The following MAP4K3 variants were observed in gnomAD, a reference collection of about 807,000 sequenced individuals.
The protein encoded by MAP4K3 is mitogen-activated protein kinase kinase kinase kinase 3, also known as MAPK/ERK kinase kinase kinase 3.
In MAP4K3, 94 loss-of-function variants were observed where a neutral mutation model predicts 143.5. The ratio of observed to expected loss-of-function variants is 0.65; its 90% confidence interval spans 0.55 to 0.78. The LOEUF is 0.78. MAP4K3 is among the 30% of genes least tolerant of loss of function. The pLI is 0.00. For synonymous variants in MAP4K3, 416 were observed against 347.2 expected, an observed-to-expected ratio of 1.20 and a Z score of -2.20; for missense variants, 1,077 against 1,068.1, an observed-to-expected ratio of 1.01 and a Z score of -0.12.
At chr2:39,309,111 A>AT (rs906905180) in intron 14 of MAP4K3, among the ~76,000 whole-genome samples, 3 of 149,994 alleles carry the variant, frequency 2.0e-5, no homozygotes, top group African/African-American at 7.3e-5. Flanking sequence ...GTTTCCCACG[A>AT]TTTTAAAAAA....
At chr2:39,309,575 T>TTTTTTA in intron 13 of MAP4K3, 56 bp from the exon 14 acceptor site, 1 of 1,009,300 alleles carries the variant, frequency 9.9e-7, no homozygotes, top group Non-Finnish European at 1.4e-6. Flanking sequence ...TTTTTTTTTT[T>TTTTTTA]GAGGCAGAGT....
chr2:39,306,574 C>T (rs1453069696), intron 15 of MAP4K3, among the ~76,000 whole-genome samples: 1 of 152,210 alleles, frequency 6.6e-6, no homozygotes, highest in African/African-American at 2.4e-5. Context: ...ATGGGGAACA[C>T]ATGCAATTTC....
Position 39,437,134 on chromosome 2 carries a change from C to CCGCCGCTCCCCTCA in MAP4K3, c.-161_-148dup. On this transcript the variant is annotated 5_prime_UTR_variant, in exon 1 of 34. Transcript: ENST00000263881. ...CTCCACGCTGCGGCCGCCGCCGCCG[C>CCGCCGCTCCCCTCA]CGCCGCTCCCCTCACGCCGCTGCGG... 1 of 478,034 alleles carries CCGCCGCTCCCCTCA rather than the reference C, an allele frequency of 2.1e-6. No individual in the cohort carries two copies. The highest frequency in any genetic ancestry group is 4.5e-5 in the Admixed American group (1 of 22,078). 29.6% of individuals were successfully genotyped at this position (478,034 alleles called of 1,614,324 possible).
At chr2:39,254,632 G>C (rs986979654) in intron 31 of MAP4K3, 112 bp from the exon 32 acceptor site, 2 of 701,198 alleles carry the variant, frequency 2.9e-6, no homozygotes, top group Non-Finnish European at 4.9e-6. Context: ...ACTAATGTCA[G>C]CTATTCCATA....
intron 1 of MAP4K3, among the ~76,000 whole-genome samples, chr2:39,415,980 A>AATATAT (rs1553318574): frequency 0.025 from 371 of 14,632 alleles, 5 homozygotes; most frequent in Middle Eastern, 0.1. Context: ...AAAAAAAAAA[A>AATATAT]ATATATATAT....
chr2:39,423,444 T>A (rs1401100994), intron 1 of MAP4K3, among the ~76,000 whole-genome samples: 2 of 152,242 alleles, frequency 1.3e-5, no homozygotes, highest in South Asian at 2.1e-4. Flanking sequence ...TGAAAATTTA[T>A]GTCCATATAA....
intron 26 of MAP4K3, among the ~76,000 whole-genome samples, chr2:39,270,819 T>C (rs1009429401): frequency 6.6e-6 from 1 of 152,170 alleles, no homozygotes; most frequent in African/African-American, 2.4e-5. Context: ...AGAAATGGTA[T>C]GAATGCACAT....
intron 13 of MAP4K3, 30 bp downstream of exon 13, chr2:39,315,280 A>G (rs1185283990): frequency 2.2e-6 from 3 of 1,379,182 alleles, no homozygotes; most frequent in Non-Finnish European, 3.0e-6. Flanking sequence ...TCTATCATTA[A>G]ATCATAAACT....
chr2:39,307,847 A>G, intron 15 of MAP4K3, 96 bp downstream of exon 15: 1 of 946,508 alleles, frequency 1.1e-6, no homozygotes, highest in Non-Finnish European at 1.5e-6. Flanking sequence ...AGCAACTTAT[A>G]AAACAATGCT....
intron 28 of MAP4K3, among the ~76,000 whole-genome samples, chr2:39,261,526 A>G (rs1402684771): frequency 1.3e-5 from 2 of 152,234 alleles, no homozygotes; most frequent in African/African-American, 2.4e-5. Flanking sequence ...TGCTCATACA[A>G]CACTGGTGGT....
At chr2:39,393,694 T>C (rs1327278202) in intron 1 of MAP4K3, among the ~76,000 whole-genome samples, 6 of 152,148 alleles carry the variant, frequency 3.9e-5, no homozygotes, top group Non-Finnish European at 8.8e-5. Flanking sequence ...GTGCCTATTA[T>C]TTGAGGGCTG....
chr2:39,277,947 G>A (rs1273471117), intron 24 of MAP4K3, among the ~76,000 whole-genome samples: 1 of 151,690 alleles, frequency 6.6e-6, no homozygotes, highest in African/African-American at 2.4e-5. Context: ...AGGAGTTCCA[G>A]ACCAGCATGG....
At chr2:39,393,032 G>T (rs1424291800) in intron 1 of MAP4K3, among the ~76,000 whole-genome samples, 1 of 152,206 alleles carries the variant, frequency 6.6e-6, no homozygotes, top group Non-Finnish European at 1.5e-5. Flanking sequence ...AATCTGGACT[G>T]TTCTGCTTAC....
chr2:39,312,135 C>G (rs955790678), intron 13 of MAP4K3, among the ~76,000 whole-genome samples: 4 of 152,080 alleles, frequency 2.6e-5, no homozygotes, highest in African/African-American at 9.7e-5. Flanking sequence ...TGCTACACAA[C>G]CAAAAACAAC....
At chr2:39,430,690 T>C (rs1241560902) in intron 1 of MAP4K3, among the ~76,000 whole-genome samples, 1 of 152,216 alleles carries the variant, frequency 6.6e-6, no homozygotes, top group Non-Finnish European at 1.5e-5. Context: ...AGTCAGTCAC[T>C]AGGGGTATTT....
intron 29 of MAP4K3, among the ~76,000 whole-genome samples, chr2:39,259,946 C>T (rs1680499887): frequency 1.3e-5 from 2 of 151,996 alleles, no homozygotes; most frequent in Admixed American, 6.6e-5. Context: ...AGGTGTATAC[C>T]TCATTTTATA....
chr2:39,378,693 C>A (rs997620975), intron 1 of MAP4K3, among the ~76,000 whole-genome samples: 1 of 151,946 alleles, frequency 6.6e-6, no homozygotes, highest in African/African-American at 2.4e-5. Flanking sequence ...TGAAAACAGG[C>A]CCCCTGCATC....
intron 8 of MAP4K3, among the ~76,000 whole-genome samples, chr2:39,327,145 C>A (rs1020202216): frequency 9.9e-5 from 15 of 152,174 alleles, no homozygotes; most frequent in African/African-American, 3.6e-4. Context: ...TCGTAATAAG[C>A]AACCTATAGC....
chr2:39,285,378 A>T (rs1008724272), intron 21 of MAP4K3, among the ~76,000 whole-genome samples: 1 of 152,202 alleles, frequency 6.6e-6, no homozygotes, highest in African/African-American at 2.4e-5. Context: ...ACCATTGGAA[A>T]GGTTAAAAAA....
Sources: allele counts gnomAD v4.1 joint callset (sites outside exome capture counted in the v4.1 genomes callset), GRCh38; gene constraint gnomAD v4.1.1; transcripts MANE v1.5; gene names NCBI Gene and HGNC (gene_info 2026-07-23, HGNC 2026-07-21).